Variants in FYN observed in about 807,000 individuals in gnomAD.
FYN encodes the protein tyrosine-protein kinase Fyn.
FYN carries 10 observed loss-of-function variants against 70.2 expected under a neutral mutation model. That is an observed-to-expected ratio of 0.14 (90% CI 0.09 to 0.24). The LOEUF is 0.24. Ranked by LOEUF, FYN falls within the 10% of genes least tolerant of loss-of-function variation. FYN has a pLI of 1.00. For missense variants in FYN, 319 were observed against 673.1 expected, an observed-to-expected ratio of 0.47 and a Z score of 5.82; for synonymous variants, 236 against 248.6, an observed-to-expected ratio of 0.95 and a Z score of 0.48.
chr6:111,776,784 T>C (rs1770960253), intron 3 of FYN, among the ~76,000 whole-genome samples: 1 of 152,174 alleles, frequency 6.6e-6, no homozygotes, highest in Non-Finnish European at 1.5e-5. Context: ...GGTTGTCCTA[T>C]ATCATAAATT....
At position 111,825,091 on chromosome 6, in the gene FYN, G is replaced by A. The variant is rs78190116; in HGVS notation, c.-82+21498C>T. ...GTCAGAAAGCCATTGCCTCTGATGC[G>A]TAGGAATGGTGGTCCACAGGCCTTG... On this transcript the variant is annotated intron_variant, in intron 2 of 13. Transcript: ENST00000354650. Among the ~76,000 whole-genome samples the A allele has an allele frequency of 6.6e-5, 10 of 152,278 alleles. No individual in the cohort carries two copies. The East Asian group carries it at 1.4e-3, about 21-fold the overall frequency.
chr6:111,741,408 A>G (rs1261468019), intron 3 of FYN, among the ~76,000 whole-genome samples: 2 of 152,220 alleles, frequency 1.3e-5, no homozygotes, highest in Non-Finnish European at 2.9e-5. Flanking sequence ...AGAGTAATGC[A>G]TACGTGTGCA....
At chr6:111,848,888 T>C (rs771516115) in intron 1 of FYN, among the ~76,000 whole-genome samples, 2 of 152,256 alleles carry the variant, frequency 1.3e-5, no homozygotes, top group Non-Finnish European at 2.9e-5. Flanking sequence ...TTTTTAAAAA[T>C]TGACCAATTA....
intron 3 of FYN, among the ~76,000 whole-genome samples, chr6:111,723,289 G>GT (rs886778203): frequency 4.0e-4 from 61 of 151,124 alleles, no homozygotes; most frequent in South Asian, 2.1e-4. Context: ...AGGAATTTTT[G>GT]TTTTTTTTTA....
At chr6:111,772,172 T>C (rs941512992) in intron 3 of FYN, among the ~76,000 whole-genome samples, 4 of 152,146 alleles carry the variant, frequency 2.6e-5, no homozygotes, top group African/African-American at 9.7e-5. Context: ...AAGTTATTCC[T>C]TCTTAACCCA....
intron 3 of FYN, among the ~76,000 whole-genome samples, chr6:111,753,956 C>T (rs904321900): frequency 6.6e-6 from 1 of 152,068 alleles, no homozygotes; most frequent in Non-Finnish European, 1.5e-5. Flanking sequence ...GAGGCCCTGC[C>T]CTTAGCCAGA....
At chr6:111,816,557 T>C (rs17072942) in intron 2 of FYN, among the ~76,000 whole-genome samples, 6,317 of 152,292 alleles carry the variant, frequency 0.041, 163 homozygotes, top group East Asian at 0.14. Context: ...CACAATTTCT[T>C]AGTAGTTAAA....
Position 111,661,804 on chromosome 6 carries a change from G to C in FYN, c.1549C>G (p.Gln517Glu), listed in dbSNP as rs140423768. ...GTAAAGTAGTCTTCCAGGAAGCTCT[G>C]CAAGTACTCAAAAGTGGGGCGTTCT... The part of the protein sequence containing the change: ...PEERPTFEYL[Q>E]SFLEDYFTAT... Residue 517 changes from glutamine (Q) to glutamate (E), a missense_variant, in exon 14 of 14, where the codon CAG (glutamine) becomes GAG (glutamate). Physicochemically the swap from Gln to Glu is conservative, Grantham distance 29. Coordinates refer to ENST00000354650, the MANE Select transcript of FYN (RefSeq NM_002037.5). This position sits in a 1 kb window ranked among gnomAD's most constrained non-coding sequence, Gnocchi z 4.0. The C allele has an allele frequency of 4.2e-5, 68 of 1,614,110 alleles. No individual in the cohort carries two copies. The highest frequency in any genetic ancestry group is 5.4e-5 in the Non-Finnish European group (64 of 1,180,056).
At chr6:111,690,275 G>C (rs1264983794) in intron 12 of FYN, among the ~76,000 whole-genome samples, 2 of 152,102 alleles carry the variant, frequency 1.3e-5, no homozygotes, top group Admixed American at 1.3e-4. Context: ...TGGTGGGGTA[G>C]GGAGGTGGCT....
At chr6:111,711,724 G>A (rs1001448623) in intron 5 of FYN, among the ~76,000 whole-genome samples, 1 of 152,244 alleles carries the variant, frequency 6.6e-6, no homozygotes, top group Non-Finnish European at 1.5e-5. Flanking sequence ...AGCCAGAGGC[G>A]GGAGAGGATG....
In FYN at chr6:111,826,689, T is replaced by C. The variant is rs200200612; in HGVS notation, c.-82+19900A>G. Among the ~76,000 whole-genome samples, 8 of 152,330 alleles carry C rather than the reference T, an allele frequency of 5.3e-5. No individual in the cohort carries two copies. In the South Asian group the frequency reaches 6.2e-4, roughly 12 times the overall value. On this transcript the variant is annotated intron_variant, in intron 2 of 13. Transcript: ENST00000354650. ...CTTACCACATTATTTTAGTTTTGCA[T>C]AGGACATATCCCCTTCTAACAATGA...
At chr6:111,775,858 G>A (rs977115348) in intron 3 of FYN, among the ~76,000 whole-genome samples, 3 of 152,188 alleles carry the variant, frequency 2.0e-5, no homozygotes, top group Non-Finnish European at 4.4e-5. Context: ...CACCTCTCCA[G>A]AGGGCTCTCT....
intron 3 of FYN, among the ~76,000 whole-genome samples, chr6:111,744,254 G>A (rs962680436): frequency 2.0e-5 from 3 of 152,208 alleles, no homozygotes; most frequent in African/African-American, 7.2e-5. Context: ...TCATATCTGC[G>A]TTAGGGCCCA....
chr6:111,847,622 C>A (rs1395643201), intron 1 of FYN, among the ~76,000 whole-genome samples: 1 of 152,074 alleles, frequency 6.6e-6, no homozygotes, highest in Non-Finnish European at 1.5e-5. Context: ...ATTTAAAACA[C>A]CCCCATGATA....
At position 111,664,999 on chromosome 6, in the gene FYN, G is replaced by T. The variant is rs114776791; in HGVS notation, c.1406-3052C>A. 7.1e-3 allele frequency among the ~76,000 whole-genome samples: 1,081 copies of T among 152,250 alleles called. 10 individuals carry two copies. The highest frequency in any genetic ancestry group is 0.024 in the African/African-American group (1,003 of 41,532). Reference sequence around the variant, plus strand: ...CACAATGTACCTCTGCAACAATAACGGTGGCAATCAAGATATGCCCACTCA... The same window carrying T: ...CACAATGTACCTCTGCAACAATAACTGTGGCAATCAAGATATGCCCACTCA... On this transcript the variant is annotated intron_variant, in intron 13 of 13. Transcript: ENST00000354650.
intron 1 of FYN, among the ~76,000 whole-genome samples, chr6:111,862,882 G>A (rs1472622312): frequency 6.6e-6 from 1 of 152,188 alleles, no homozygotes; most frequent in Non-Finnish European, 1.5e-5. Context: ...TCTAAGGAAA[G>A]GGAAGGACGG....
intron 2 of FYN, among the ~76,000 whole-genome samples, chr6:111,835,133 G>C (rs1773137642): frequency 6.6e-6 from 1 of 152,156 alleles, no homozygotes; most frequent in South Asian, 2.1e-4. Context: ...AAATTGGTAA[G>C]TTAATTCAAA....
chr6:111,872,558 A>G (rs1774312823), intron 1 of FYN, among the ~76,000 whole-genome samples: 1 of 150,778 alleles, frequency 6.6e-6, no homozygotes. Context: ...GTGGGGAGGG[A>G]AGCAGCACGG....
intron 2 of FYN, among the ~76,000 whole-genome samples, chr6:111,786,378 A>C (rs986110162): frequency 4.6e-5 from 7 of 152,112 alleles, no homozygotes; most frequent in African/African-American, 1.7e-4. Flanking sequence ...GTCCCTACAA[A>C]GGACATGAAC....
Sources: gnomAD v4.1 joint callset for allele counts (sites outside exome capture counted in the v4.1 genomes callset) on GRCh38, gnomAD v4.1.1 for gene constraint, Gnocchi (gnomAD v3.1) non-coding constraint, MANE v1.5 for transcripts, NCBI Gene and HGNC (gene_info 2026-07-23, HGNC 2026-07-21) for gene names.